Variants in ZNF521 observed in about 807,000 individuals in gnomAD.
The protein encoded by ZNF521 is zinc finger protein 521.
Under a neutral mutation model 105.5 loss-of-function variants are expected in ZNF521, and 14 were observed. The observed-to-expected ratio is 0.13, with a 90% CI of 0.09 to 0.21. The LOEUF (loss-of-function observed/expected upper bound fraction) is 0.21. Ranked by LOEUF, ZNF521 falls within the 10% of genes least tolerant of loss-of-function variation. The probability of loss-of-function intolerance (pLI) is 1.00; values close to 1 mark genes in which losing one functional copy is unlikely to be tolerated. For missense variants in ZNF521, 1,233 were observed against 1,629.7 expected (o/e 0.76, Z 4.19); for synonymous variants, 635 against 606.0 (o/e 1.05, Z -0.70).
intron 5 of ZNF521, among the ~76,000 whole-genome samples, chr18:25,098,256 G>A (rs998092033): frequency 2.6e-5 from 4 of 152,116 alleles, no homozygotes; most frequent in African/African-American, 9.7e-5. Context: ...GTGGTATTTT[G>A]GCACAAGTAG....
chr18:25,092,786 A>G (rs1394199336), intron 5 of ZNF521, among the ~76,000 whole-genome samples: 5 of 152,186 alleles, frequency 3.3e-5, no homozygotes. Context: ...TATCTTAAGA[A>G]TGAGGGGGCA....
In ZNF521 at chr18:25,322,054, C is replaced by T. The variant is rs765758176; in HGVS notation, c.174G>A (p.Ser58=). The T allele has an allele frequency of 7.4e-6, 12 of 1,614,114 alleles. No individual in the cohort carries two copies. Among genetic ancestry groups the T allele is most frequent in the East Asian group, 4.5e-5 (2 of 44,878 alleles). ...SCDSCLQVFE[S]LSDITEHKIN... is the part of the protein sequence containing the mutation. ...TCTTGTGTTCTGTGATATCGCTCAG[C>T]GATTCAAACACCTGGAGGCAGCTGT... Residue 58 remains serine (S), a synonymous_variant, in exon 3 of 8, where the codon TCG becomes TCA. Transcript: ENST00000361524.
At chr18:25,276,446 T>G (rs1318297200) in intron 3 of ZNF521, among the ~76,000 whole-genome samples, 1 of 152,220 alleles carries the variant, frequency 6.6e-6, no homozygotes, top group Non-Finnish European at 1.5e-5. Context: ...ATTTATTTCC[T>G]TCCTACACAA....
intron 2 of ZNF521, among the ~76,000 whole-genome samples, chr18:25,328,709 T>C (rs889037643): frequency 2.6e-5 from 4 of 151,900 alleles, no homozygotes; most frequent in African/African-American, 7.3e-5. Context: ...CGTGCCACCA[T>C]GCCTGGCTAA....
At chr18:25,194,731 A>ATC (rs1330992342) in intron 5 of ZNF521, among the ~76,000 whole-genome samples, 2 of 151,690 alleles carry the variant, frequency 1.3e-5, no homozygotes, top group Non-Finnish European at 3.0e-5. Context: ...ATGTTTCCCT[A>ATC]TCACAAAAAC....
At chr18:25,105,765 A>G (rs765191971) in intron 5 of ZNF521, among the ~76,000 whole-genome samples, 1 of 152,166 alleles carries the variant, frequency 6.6e-6, no homozygotes, top group Non-Finnish European at 1.5e-5. Context: ...GAAAACAACT[A>G]AATTTCAGTA....
intron 2 of ZNF521, among the ~76,000 whole-genome samples, chr18:25,323,494 T>C (rs1463996181): frequency 6.6e-6 from 1 of 152,066 alleles, no homozygotes; most frequent in African/African-American, 2.4e-5. Context: ...GCAGTGGCTA[T>C]TCATAGGCAC....
chr18:25,088,828 C>G (rs73398892), intron 7 of ZNF521, among the ~76,000 whole-genome samples: 3,195 of 152,148 alleles, frequency 0.021, 131 homozygotes, highest in African/African-American at 0.074. Context: ...CACTGTATAA[C>G]AGCCCTATAA....
intron 2 of ZNF521, among the ~76,000 whole-genome samples, chr18:25,349,530 G>A (rs1568093425): frequency 6.6e-6 from 1 of 152,186 alleles, no homozygotes; most frequent in Non-Finnish European, 1.5e-5. Context: ...CTTCCCAGGA[G>A]AAGAAAGAAA....
At chr18:25,074,600 T>C (rs1375938432) in intron 7 of ZNF521, among the ~76,000 whole-genome samples, 2 of 152,220 alleles carry the variant, frequency 1.3e-5, no homozygotes, top group Non-Finnish European at 2.9e-5. Flanking sequence ...TCCTATTCTC[T>C]ATTAAACCTG....
intron 5 of ZNF521, among the ~76,000 whole-genome samples, chr18:25,114,627 A>C (rs1047594528): frequency 1.3e-5 from 2 of 152,182 alleles, no homozygotes; most frequent in Non-Finnish European, 1.5e-5. Flanking sequence ...TAAATCAATA[A>C]ATTTCCAAAA....
At chr18:25,273,980 G>A (rs1909865235) in intron 3 of ZNF521, among the ~76,000 whole-genome samples, 2 of 152,176 alleles carry the variant, frequency 1.3e-5, no homozygotes. Context: ...AGACCAAGAA[G>A]CTGAGGGCCA....
chr18:25,083,931 ATTTTTT>A lies in ZNF521; in HGVS notation c.3906+5528_3906+5533del, dbSNP rs56364504. Among the ~76,000 whole-genome samples the A allele has an allele frequency of 2.9e-3, 169 of 57,882 alleles. 1 individual carries two copies. The highest frequency in any genetic ancestry group is 4.1e-3 in the Non-Finnish European group (137 of 33,020). 38.0% of individuals were successfully genotyped at this position (57,882 alleles called of 152,430 possible). ...GACCACAGGCACCTCAACCTGGGTA[ATTTTTT>A]TTTTTTTTTTTTTTTTTTTTTTTTT... On this transcript the variant is annotated intron_variant, in intron 7 of 7. Coordinates refer to ENST00000361524, the MANE Select transcript of ZNF521 (RefSeq NM_015461.3).
chr18:25,225,253 C>T lies in ZNF521; in HGVS notation c.2665G>A (p.Asp889Asn), dbSNP rs1422403306. ...VDTSEPMYGC[D>N]ICGAAYTMET... is the part of the protein sequence containing the mutation. ...ATAGTGTAGGCTGCCCCACAAATGT[C>T]GCAGCCGTACATAGGCTCAGAGGTG... The change falls in exon 4 of 8, where the codon GAC becomes AAC. Residue 889 changes from aspartate to asparagine, a missense_variant. Transcript: ENST00000361524. This position sits in a 1 kb window ranked among gnomAD's most constrained non-coding sequence, Gnocchi z 5.6. 4.3e-6 allele frequency: 7 copies of T among 1,614,094 alleles called. No individual in the cohort carries two copies. The highest frequency in any genetic ancestry group is 2.2e-5 in the South Asian group (2 of 91,068).
At chr18:25,279,491 G>T (rs1227620535) in intron 3 of ZNF521, among the ~76,000 whole-genome samples, 2 of 152,186 alleles carry the variant, frequency 1.3e-5, no homozygotes, top group Non-Finnish European at 2.9e-5. Flanking sequence ...CGAATGGGCA[G>T]CAGAATTTCC....
intron 3 of ZNF521, among the ~76,000 whole-genome samples, chr18:25,289,436 T>C (rs1910885220): frequency 6.6e-6 from 1 of 152,142 alleles, no homozygotes; most frequent in Non-Finnish European, 1.5e-5. Context: ...GAGGCATCAA[T>C]GAGGAAGGCG....
intron 5 of ZNF521, among the ~76,000 whole-genome samples, chr18:25,189,365 C>T (rs1265482784): frequency 6.6e-6 from 1 of 152,196 alleles, no homozygotes; most frequent in African/African-American, 2.4e-5. Flanking sequence ...TTCATATTTA[C>T]AGTCTGCTTC....
At chr18:25,350,620 TTC>T (rs2145241848) in intron 2 of ZNF521, among the ~76,000 whole-genome samples, 1 of 152,084 alleles carries the variant, frequency 6.6e-6, no homozygotes, top group East Asian at 1.9e-4. Flanking sequence ...ATAATTTCGT[TTC>T]TTTCTCTCTC....
intron 3 of ZNF521, among the ~76,000 whole-genome samples, chr18:25,315,052 C>A (rs1045447059): frequency 2.0e-5 from 3 of 152,180 alleles, no homozygotes; most frequent in Non-Finnish European, 2.9e-5. Flanking sequence ...CTCCCCACCC[C>A]CTGAGGGAAT....
Sources: allele counts gnomAD v4.1 joint callset (sites outside exome capture counted in the v4.1 genomes callset), GRCh38; gene constraint gnomAD v4.1.1; non-coding constraint Gnocchi (gnomAD v3.1); transcripts MANE v1.5; gene names NCBI Gene and HGNC (gene_info 2026-07-23, HGNC 2026-07-21).